Variants in TNRC6A observed in about 807,000 individuals in gnomAD.
The protein encoded by TNRC6A is trinucleotide repeat containing adaptor 6A.
A neutral mutation model predicts 221.2 loss-of-function variants in TNRC6A; 44 were observed. That is an observed-to-expected ratio of 0.20 (90% CI 0.16 to 0.26). The LOEUF is 0.26. Ranked by LOEUF, TNRC6A falls within the 10% of genes least tolerant of loss-of-function variation. The pLI is 1.00. For missense variants in TNRC6A, 2,199 were observed against 2,404.4 expected (o/e 0.91, Z 1.79); for synonymous variants, 847 against 838.5 (o/e 1.01, Z -0.18).
chr16:24,796,519 G>T (rs1171028462), intron 9 of TNRC6A, among the ~76,000 whole-genome samples: 1 of 152,072 alleles, frequency 6.6e-6, no homozygotes, highest in African/African-American at 2.4e-5. Context: ...ATAGTGGAAG[G>T]GACTAATTTG....
In TNRC6A at chr16:24,820,370, A is replaced by G. The variant is rs2058743445; in HGVS notation, c.5302+10A>G. The G allele has an allele frequency of 6.2e-7, 1 of 1,612,934 alleles. No individual in the cohort carries two copies. The highest frequency in any genetic ancestry group is 8.5e-7 in the Non-Finnish European group (1 of 1,178,990). Reference sequence around the variant, plus strand: ...GCCAGATATACCCCAGGTAAGATGCAGTCGTAAGGTGGGTTTCTGTGGTTT... The same window carrying G: ...GCCAGATATACCCCAGGTAAGATGCGGTCGTAAGGTGGGTTTCTGTGGTTT... On this transcript the variant is annotated intron_variant, in intron 22 of 24. Coordinates refer to ENST00000395799, the MANE Select transcript of TNRC6A (RefSeq NM_014494.4).
intron 2 of TNRC6A, among the ~76,000 whole-genome samples, chr16:24,646,798 G>A (rs909499951): frequency 6.6e-6 from 1 of 152,170 alleles, no homozygotes; most frequent in African/African-American, 2.4e-5. Context: ...CTCATGGCAT[G>A]ACTCAGCTAA....
chr16:24,749,483 T>G (rs1176716903), intron 2 of TNRC6A, among the ~76,000 whole-genome samples: 1 of 152,186 alleles, frequency 6.6e-6, no homozygotes, highest in African/African-American at 2.4e-5. Flanking sequence ...TGTAGGCATC[T>G]GGATGGGAAG....
chr16:24,653,962 T>G (rs1231358511), intron 2 of TNRC6A, among the ~76,000 whole-genome samples: 3 of 152,168 alleles, frequency 2.0e-5, no homozygotes. Flanking sequence ...CGGGGTGCAG[T>G]GGCGCAATCA....
intron 2 of TNRC6A, among the ~76,000 whole-genome samples, chr16:24,666,676 T>TAA: frequency 8.2e-6 from 1 of 121,384 alleles, no homozygotes; most frequent in African/African-American, 3.0e-5. Context: ...AAAATATATA[T>TAA]ATATATATAT....
chr16:24,623,733 TTAAAA>T (rs1230816831), intron 1 of TNRC6A, among the ~76,000 whole-genome samples: 2 of 150,308 alleles, frequency 1.3e-5, no homozygotes, highest in Non-Finnish European at 3.0e-5. Flanking sequence ...TCTAAAAAAA[TTAAAA>T]TAAAATAAAA....
In TNRC6A at chr16:24,736,688, C is replaced by T. The variant is rs191239767; in HGVS notation, c.53+6388C>T. 2.6e-5 allele frequency among the ~76,000 whole-genome samples: 4 copies of T among 152,296 alleles called. No individual in the cohort carries two copies. In the East Asian group the frequency reaches 7.7e-4, roughly 29 times the overall value. ...CCATAGGTGATGATGTGTTTGTCTT[C>T]AGTATTCCCTCCCCACAGCATTTTG... On this transcript the variant is annotated intron_variant, in intron 2 of 24. Coordinates refer to ENST00000395799, the MANE Select transcript of TNRC6A (RefSeq NM_014494.4).
chr16:24,625,860 C>A (rs1900957945), intron 1 of TNRC6A, among the ~76,000 whole-genome samples: 1 of 151,910 alleles, frequency 6.6e-6, no homozygotes, highest in Non-Finnish European at 1.5e-5. Context: ...TGCAGTGAGC[C>A]GAGATCGCAC....
intron 1 of TNRC6A, among the ~76,000 whole-genome samples, chr16:24,616,325 C>CAAAAAAAAA (rs397855433): frequency 1.3e-5 from 1 of 74,094 alleles, no homozygotes. Context: ...GATGCTGTCT[C>CAAAAAAAAA]AAAAAAAAAA....
intron 17 of TNRC6A, among the ~76,000 whole-genome samples, chr16:24,807,503 GGTCACA>G (rs1245143234): frequency 1.3e-5 from 2 of 152,142 alleles, no homozygotes; most frequent in Non-Finnish European, 2.9e-5. Context: ...AGCTGGGGAT[GGTCACA>G]GTCACATTTG....
At position 24,793,515 on chromosome 16, in the gene TNRC6A, C is replaced by T; in HGVS notation, c.3218C>T (p.Thr1073Ile). Residue 1073 changes from threonine to isoleucine, a missense_variant, in exon 7 of 25, where the codon ACT becomes ATT. Transcript: ENST00000395799. Reference sequence around the variant, plus strand: ...GGGGAGCCTTCTACTCCAGCCACAACTGTGGATAATGGTACTTCAGCATGG... The same window carrying T: ...GGGGAGCCTTCTACTCCAGCCACAATTGTGGATAATGGTACTTCAGCATGG... ...PWGEPSTPAT[T>I]VDNGTSAWGK... The T allele has an allele frequency of 1.9e-6, 3 of 1,542,256 alleles. No individual in the cohort carries two copies. The highest frequency in any genetic ancestry group is 2.6e-6 in the Non-Finnish European group (3 of 1,141,824).
chr16:24,748,569 T>C (rs1234010145), intron 2 of TNRC6A, among the ~76,000 whole-genome samples: 1 of 152,170 alleles, frequency 6.6e-6, no homozygotes, highest in Admixed American at 6.5e-5. Flanking sequence ...CTTCCAGTTA[T>C]CCTTTTAGCT....
intron 1 of TNRC6A, 67 bp downstream of exon 1, chr16:24,729,913 C>CGCGGCGGCGGCAGCAGAG (rs573777848): frequency 0.012 from 13,597 of 1,158,510 alleles, 171 homozygotes; most frequent in Non-Finnish European, 0.013. Flanking sequence ...GCCCGCAACC[C>CGCGGCGGCGGCAGCAGAG]GCGGCGGCGG....
intron 1 of TNRC6A, among the ~76,000 whole-genome samples, chr16:24,627,274 C>CGGA (rs1445534111): frequency 7.2e-5 from 11 of 152,108 alleles, no homozygotes; most frequent in Admixed American, 5.9e-4. Context: ...TCGATTGTTT[C>CGGA]GGAGGCCCTA....
chr16:24,663,697 A>C (rs1415021546), intron 2 of TNRC6A: 1 of 337,770 alleles, frequency 3.0e-6, no homozygotes, highest in African/African-American at 2.2e-5. Flanking sequence ...GTGACAACAC[A>C]CGCAAAACAC....
At chr16:24,735,279 G>A (rs542114652) in intron 2 of TNRC6A, among the ~76,000 whole-genome samples, 4 of 152,194 alleles carry the variant, frequency 2.6e-5, no homozygotes, top group African/African-American at 9.6e-5. Context: ...ACTCTGTTTC[G>A]AAAGAAAGAA....
At chr16:24,686,313 A>G (rs1214503013) in intron 2 of TNRC6A, among the ~76,000 whole-genome samples, 3 of 152,086 alleles carry the variant, frequency 2.0e-5, no homozygotes, top group Non-Finnish European at 4.4e-5. Context: ...GCCAGGACCC[A>G]TGTCACCAGA....
At chr16:24,775,114 A>T (rs2057691944) in intron 4 of TNRC6A, among the ~76,000 whole-genome samples, 1 of 152,148 alleles carries the variant, frequency 6.6e-6, no homozygotes, top group African/African-American at 2.4e-5. Context: ...GGTCTTCATG[A>T]AGTGTTTTTG....
intron 2 of TNRC6A, among the ~76,000 whole-genome samples, chr16:24,743,911 T>C (rs763116751): frequency 2.0e-5 from 3 of 152,198 alleles, no homozygotes; most frequent in Non-Finnish European, 4.4e-5. Flanking sequence ...TACTCAGATT[T>C]TGCCAGTTGT....
Sources: gnomAD v4.1 joint callset for allele counts (sites outside exome capture counted in the v4.1 genomes callset) on GRCh38, gnomAD v4.1.1 for gene constraint, MANE v1.5 for transcripts, NCBI Gene and HGNC (gene_info 2026-07-23, HGNC 2026-07-21) for gene names.